The following CTNNA2 variants were observed in gnomAD, a reference collection of about 807,000 sequenced individuals.
The protein encoded by CTNNA2 is catenin alpha 2.
CTNNA2 carries 42 observed loss-of-function variants against 101.0 expected under a neutral mutation model. That is an observed-to-expected ratio of 0.42 (90% confidence interval 0.32 to 0.54). The LOEUF (loss-of-function observed/expected upper bound fraction) is 0.54, where lower values mean the gene tolerates loss of function less well. CTNNA2 is among the 20% of genes least tolerant of loss of function. The probability of loss-of-function intolerance (pLI) is 0.14; values close to 1 mark genes in which losing one functional copy is unlikely to be tolerated. For missense variants in CTNNA2, 871 were observed against 1,223.1 expected, an observed-to-expected ratio of 0.71 and a Z score of 4.29; for synonymous variants, 450 against 456.4, an observed-to-expected ratio of 0.99 and a Z score of 0.18.
intron 4 of CTNNA2, among the ~76,000 whole-genome samples, chr2:79,406,559 T>C (rs1049044350): frequency 2.0e-5 from 3 of 152,050 alleles, no homozygotes; most frequent in African/African-American, 2.4e-5. Context: ...CATAGTCTTA[T>C]GCAGCTGTCT....
chr2:79,814,307 G>T (rs1574037555), intron 3 of CTNNA2, among the ~76,000 whole-genome samples: 1 of 152,086 alleles, frequency 6.6e-6, no homozygotes, highest in Admixed American at 6.6e-5. Context: ...CTTTAGTGGT[G>T]ATTTGTGAGA....
intron 8 of CTNNA2, among the ~76,000 whole-genome samples, chr2:80,399,260 T>G (rs1678336708): frequency 6.6e-6 from 1 of 152,156 alleles, no homozygotes; most frequent in African/African-American, 2.4e-5. Flanking sequence ...GAGCACCATT[T>G]ACTTATCACC....
intron 7 of CTNNA2, among the ~76,000 whole-genome samples, chr2:80,352,480 AG>A (rs1311688257): frequency 8.5e-5 from 13 of 152,194 alleles, no homozygotes; most frequent in Non-Finnish European, 1.3e-4. Flanking sequence ...AAAGCCAACT[AG>A]CAGCAGTCAT....
chr2:80,522,399 T>C (rs1458695303), intron 9 of CTNNA2, among the ~76,000 whole-genome samples: 2 of 152,164 alleles, frequency 1.3e-5, no homozygotes, highest in African/African-American at 2.4e-5. Flanking sequence ...AGAAAATAGA[T>C]TGCATTTAAT....
chr2:79,328,006 CA>C (rs1472173305), intron 3 of CTNNA2, among the ~76,000 whole-genome samples: 1 of 152,086 alleles, frequency 6.6e-6, no homozygotes, highest in Non-Finnish European at 1.5e-5. Flanking sequence ...CTAAGGAAAC[CA>C]CTTCTTGGGA....
intron 4 of CTNNA2, among the ~76,000 whole-genome samples, chr2:79,375,298 C>T (rs1677954666): frequency 6.6e-6 from 1 of 152,126 alleles, no homozygotes; most frequent in Non-Finnish European, 1.5e-5. Context: ...AGTTAGCCTG[C>T]AACAACTACC....
In CTNNA2 at chr2:80,581,708, C is replaced by T. The variant is rs749165441; in HGVS notation, c.1896C>T (p.Thr632=). The part of the protein sequence containing the change: ...DIRKAVLMIR[T]PEELEDDSDF... ...GACTTATATCTTTTTGTCTTTAGAC[C>T]CCAGAAGAACTAGAGGATGATTCTG... is the stretch of plus-strand genomic sequence containing the variant. The change falls in exon 14 of 19, where the codon ACC becomes ACT. Residue 632 remains threonine, a splice_region_variant and synonymous_variant. Transcript: ENST00000402739. The T allele has an allele frequency of 1.3e-6, 2 of 1,598,198 alleles. No individual in the cohort carries two copies. Among genetic ancestry groups the T allele is most frequent in the Non-Finnish European group, 8.6e-7 (1 of 1,166,092 alleles).
chr2:79,291,988 A>C (rs1224472290), intron 2 of CTNNA2, among the ~76,000 whole-genome samples: 1 of 151,648 alleles, frequency 6.6e-6, no homozygotes, highest in Non-Finnish European at 1.5e-5. Flanking sequence ...TACTTCAGAT[A>C]CCCAGGGCTT....
chr2:80,460,665 C>G (rs891942912), intron 9 of CTNNA2, among the ~76,000 whole-genome samples: 1 of 152,128 alleles, frequency 6.6e-6, no homozygotes, highest in African/African-American at 2.4e-5. Context: ...TTTTACACAA[C>G]ACACACAGTC....
At chr2:80,143,307 C>G (rs1270387890) in intron 7 of CTNNA2, among the ~76,000 whole-genome samples, 2 of 152,212 alleles carry the variant, frequency 1.3e-5, no homozygotes, top group East Asian at 3.9e-4. Context: ...TTATTTGGGA[C>G]TGTCAAATCA....
intron 9 of CTNNA2, among the ~76,000 whole-genome samples, chr2:80,440,189 C>T (rs1024671324): frequency 6.6e-6 from 1 of 152,122 alleles, no homozygotes; most frequent in Non-Finnish European, 1.5e-5. Context: ...GTAATTTGCT[C>T]ACTGTCTCTC....
chr2:79,871,327 T>A (rs565190491), intron 5 of CTNNA2, among the ~76,000 whole-genome samples: 1 of 152,212 alleles, frequency 6.6e-6, no homozygotes, highest in Non-Finnish European at 1.5e-5. Flanking sequence ...TTTTTAAGTA[T>A]GTTTTTATCA....
intron 7 of CTNNA2, among the ~76,000 whole-genome samples, chr2:80,070,402 T>G (rs1418375391): frequency 1.3e-5 from 2 of 152,104 alleles, no homozygotes; most frequent in Admixed American, 1.3e-4. Flanking sequence ...CAGAAATTTG[T>G]TTTTTCACAG....
intron 4 of CTNNA2, among the ~76,000 whole-genome samples, chr2:79,472,813 T>C (rs917529458): frequency 3.9e-5 from 6 of 152,222 alleles, no homozygotes; most frequent in African/African-American, 1.4e-4. Flanking sequence ...CACTTTTCTC[T>C]TCTCTCATTT....
At chr2:80,446,715 G>A (rs1318129886) in intron 9 of CTNNA2, among the ~76,000 whole-genome samples, 1 of 152,170 alleles carries the variant, frequency 6.6e-6, no homozygotes, top group Non-Finnish European at 1.5e-5. Flanking sequence ...AACAAGTTGG[G>A]TTGTGAACTT....
intron 2 of CTNNA2, among the ~76,000 whole-genome samples, chr2:79,281,691 C>G (rs916213793): frequency 6.6e-6 from 1 of 152,180 alleles, no homozygotes; most frequent in Non-Finnish European, 1.5e-5. Flanking sequence ...GACAAGTGAA[C>G]TTTCTGAAAC....
At chr2:79,840,766 CT>C (rs67401953) in intron 3 of CTNNA2, among the ~76,000 whole-genome samples, 64,967 of 142,888 alleles carry the variant, frequency 0.45, 16,144 homozygotes, top group East Asian at 0.7. Context: ...GACTACCTCT[CT>C]TTTTTTTTTT....
At chr2:79,376,592 C>G (rs1262113681) in intron 4 of CTNNA2, among the ~76,000 whole-genome samples, 1 of 151,872 alleles carries the variant, frequency 6.6e-6, no homozygotes, top group Non-Finnish European at 1.5e-5. Context: ...CCATTAACTC[C>G]TCATTTAACA....
chr2:80,123,416 G>A (rs920539568), intron 7 of CTNNA2, among the ~76,000 whole-genome samples: 5 of 149,722 alleles, frequency 3.3e-5, no homozygotes, highest in Non-Finnish European at 7.4e-5. Context: ...CCTTAAAGAG[G>A]ATGGAGAACA....
Sources: gnomAD v4.1 joint callset for allele counts (sites outside exome capture counted in the v4.1 genomes callset) on GRCh38, gnomAD v4.1.1 for gene constraint, MANE v1.5 for transcripts, NCBI Gene and HGNC (gene_info 2026-07-23, HGNC 2026-07-21) for gene names.